Variants in TENM2 observed in about 807,000 individuals in gnomAD.
TENM2 encodes the protein teneurin-2.
In TENM2, 52 loss-of-function variants were observed where a neutral mutation model predicts 245.2. The ratio of observed to expected loss-of-function variants is 0.21; its 90% CI spans 0.17 to 0.27. The LOEUF (loss-of-function observed/expected upper bound fraction) is 0.27, where lower values mean the gene tolerates loss of function less well. TENM2 is among the 10% of genes least tolerant of loss of function. The probability of loss-of-function intolerance (pLI) is 1.00; values close to 1 mark genes in which losing one functional copy is unlikely to be tolerated. For synonymous variants in TENM2, 1,363 were observed against 1,438.9 expected (o/e 0.95, Z 1.19); for missense variants, 3,046 against 3,666.8 (o/e 0.83, Z 4.37).
At chr5:167,996,058 G>A (rs977298310) in intron 5 of TENM2, among the ~76,000 whole-genome samples, 7 of 152,264 alleles carry the variant, frequency 4.6e-5, no homozygotes, top group Non-Finnish European at 8.8e-5. Flanking sequence ...GTGGGTTCAG[G>A]CCTGCCAGGC....
chr5:167,946,260 A>C lies in TENM2; in HGVS notation c.713-6328A>C, dbSNP rs147905701. 1.1e-4 allele frequency among the ~76,000 whole-genome samples: 17 copies of C among 152,246 alleles called. No homozygotes were observed. In the East Asian group the frequency reaches 3.3e-3, roughly 30 times the overall value. ...GGCTCTTGGCAAAGTACCTCAGGTCAGAGCAGGACAGGACAAGCTGGGATG... is the reference window on the plus strand; with the variant it reads ...GGCTCTTGGCAAAGTACCTCAGGTCCGAGCAGGACAGGACAAGCTGGGATG... On this transcript the variant is annotated intron_variant, in intron 3 of 28. Transcript: ENST00000518659.
rs569903932 is a variant in TENM2 at position 168,047,357 on chromosome 5, G to T, written c.1187-70G>T. 5.2e-4 allele frequency: 790 copies of T among 1,533,658 alleles called. 1 individual carries two copies. The highest frequency in any genetic ancestry group is 6.6e-4 in the Non-Finnish European group (747 of 1,131,434). On this transcript the variant is annotated intron_variant, in intron 5 of 28. Transcript: ENST00000518659. ...GGCAATCGCTTGGAAAAGGGCACCT[G>T]GCCCTCCCCCTTGACATTTGCATTG...
chr5:167,609,748 A>G (rs781304324), intron 2 of TENM2, among the ~76,000 whole-genome samples: 12 of 152,104 alleles, frequency 7.9e-5, no homozygotes, highest in Admixed American at 1.3e-4. Context: ...CTCTTTGATG[A>G]GATAGGAAAA....
In TENM2 at chr5:167,301,874, G is replaced by A. The variant is rs181789883; in HGVS notation, c.226+16811G>A. ...TAGTCACAGAACAAAACTGTAAGCC[G>A]GACCGGGTGTGAGGAGGGGAGGTGA... is the stretch of plus-strand genomic sequence containing the variant. On this transcript the variant is annotated intron_variant, in intron 1 of 28. Transcript: ENST00000518659. Among the ~76,000 whole-genome samples, 261 of 152,264 alleles carry A rather than the reference G, an allele frequency of 1.7e-3. 3 individuals are homozygous for A. The highest frequency in any genetic ancestry group is 5.4e-3 in the African/African-American group (225 of 41,558).
the TENM2 span, among the ~76,000 whole-genome samples, chr5:167,166,672 A>T: frequency 2.6e-5 from 4 of 152,124 alleles, no homozygotes; most frequent in African/African-American, 9.7e-5. Flanking sequence ...GTGTGCTTTA[A>T]ATAACACATT....
chr5:167,059,131 A>G, the TENM2 span, among the ~76,000 whole-genome samples: 96,428 of 151,596 alleles, frequency 0.64, 32,926 homozygotes, highest in African/African-American at 0.91. Flanking sequence ...GTGAATATGC[A>G]GCATATGAAT....
At chr5:167,922,635 G>A (rs567894945) in intron 3 of TENM2, among the ~76,000 whole-genome samples, 2 of 152,144 alleles carry the variant, frequency 1.3e-5, no homozygotes, top group African/African-American at 4.8e-5. Context: ...GAAATCAGGC[G>A]CAGTCCTTGG....
intron 5 of TENM2, among the ~76,000 whole-genome samples, chr5:168,030,627 G>T (rs991699860): frequency 6.6e-6 from 1 of 152,096 alleles, no homozygotes; most frequent in Non-Finnish European, 1.5e-5. Flanking sequence ...GGCAGGAGTG[G>T]TCTCTTCAGA....
At chr5:167,844,995 A>C (rs1769901770) in intron 2 of TENM2, among the ~76,000 whole-genome samples, 1 of 152,020 alleles carries the variant, frequency 6.6e-6, no homozygotes, top group Non-Finnish European at 1.5e-5. Context: ...GTTATCACCC[A>C]GGTACCTCTT....
At chr5:167,673,977 A>G (rs1279591648) in intron 2 of TENM2, among the ~76,000 whole-genome samples, 1 of 152,128 alleles carries the variant, frequency 6.6e-6, no homozygotes, top group Admixed American at 6.6e-5. Flanking sequence ...CTGAGATAGC[A>G]TGGGCTAAAC....
At chr5:167,482,246 A>G (rs981131895) in intron 2 of TENM2, among the ~76,000 whole-genome samples, 2 of 152,160 alleles carry the variant, frequency 1.3e-5, no homozygotes, top group African/African-American at 2.4e-5. Context: ...ATACTTGCAT[A>G]TGTTTGAAAC....
intron 1 of TENM2, among the ~76,000 whole-genome samples, chr5:167,315,253 G>A (rs1332346636): frequency 6.6e-6 from 1 of 152,008 alleles, no homozygotes; most frequent in Non-Finnish European, 1.5e-5. Context: ...ATGACAAGGT[G>A]GATAGGATTT....
chr5:167,916,565 T>C (rs1442415119), intron 3 of TENM2, among the ~76,000 whole-genome samples: 1 of 151,952 alleles, frequency 6.6e-6, no homozygotes, highest in African/African-American at 2.4e-5. Context: ...TTCCAAAAAT[T>C]ATACTCACTT....
intron 19 of TENM2, among the ~76,000 whole-genome samples, chr5:168,206,237 T>C (rs1276821959): frequency 6.6e-6 from 1 of 152,202 alleles, no homozygotes; most frequent in African/African-American, 2.4e-5. Context: ...CCCCAGCAAC[T>C]GCTGCTGAGC....
chr5:167,774,073 G>A (rs752472419), intron 2 of TENM2, among the ~76,000 whole-genome samples: 1 of 145,254 alleles, frequency 6.9e-6, no homozygotes, highest in Admixed American at 7.0e-5. Flanking sequence ...CAAAAGCTTG[G>A]TTCTTACATT....
chr5:167,964,214 A>G (rs1781222207), intron 4 of TENM2, among the ~76,000 whole-genome samples: 2 of 152,222 alleles, frequency 1.3e-5, no homozygotes, highest in African/African-American at 4.8e-5. Flanking sequence ...GGGAGTTTCT[A>G]AAGTCAACTT....
At chr5:168,014,142 C>T (rs535391075) in intron 5 of TENM2, among the ~76,000 whole-genome samples, 1 of 152,216 alleles carries the variant, frequency 6.6e-6, no homozygotes, top group South Asian at 2.1e-4. Context: ...AGGAGGGGGG[C>T]AATTCAGCTT....
chr5:167,041,279 A>G, the TENM2 span, among the ~76,000 whole-genome samples: 1 of 152,216 alleles, frequency 6.6e-6, no homozygotes, highest in African/African-American at 2.4e-5. Context: ...TGTCACAGGT[A>G]ATACCTTTGA....
At chr5:167,484,007 G>A (rs1767916492) in intron 2 of TENM2, among the ~76,000 whole-genome samples, 1 of 152,082 alleles carries the variant, frequency 6.6e-6, no homozygotes, top group African/African-American at 2.4e-5. Flanking sequence ...GTACATACAT[G>A]TACATATATG....
Sources: gnomAD v4.1 joint callset for allele counts (sites outside exome capture counted in the v4.1 genomes callset) on GRCh38, gnomAD v4.1.1 for gene constraint, MANE v1.5 for transcripts, NCBI Gene and HGNC (gene_info 2026-07-23, HGNC 2026-07-21) for gene names.